UBR1: variants seen among roughly 807,000 people sequenced by gnomAD.
UBR1 encodes E3 ubiquitin-protein ligase UBR1.
Under a neutral mutation model 242.1 loss-of-function variants are expected in UBR1, and 102 were observed. The observed-to-expected ratio is 0.42, with a 90% CI of 0.36 to 0.50. The LOEUF (loss-of-function observed/expected upper bound fraction) is 0.50. UBR1 is among the 20% of genes least tolerant of loss of function. The pLI is 0.01. For missense variants in UBR1, 1,772 were observed against 2,101.8 expected (o/e 0.84, Z 3.07); for synonymous variants, 675 against 684.8 (o/e 0.99, Z 0.22).
At chr15:43,041,593 A>C (rs1016395932) in intron 15 of UBR1, among the ~76,000 whole-genome samples, 1 of 152,184 alleles carries the variant, frequency 6.6e-6, no homozygotes, top group Non-Finnish European at 1.5e-5. Context: ...AAGTATAATT[A>C]AAAAACAAAA....
intron 30 of UBR1, among the ~76,000 whole-genome samples, chr15:43,004,724 C>G (rs539437283): frequency 6.6e-6 from 1 of 152,024 alleles, no homozygotes; most frequent in Non-Finnish European, 1.5e-5. Context: ...GATCTCGGCT[C>G]GCTACAACCC....
chr15:43,002,939 T>C (rs562776360), intron 31 of UBR1, among the ~76,000 whole-genome samples: 170 of 152,352 alleles, frequency 1.1e-3, no homozygotes, highest in African/African-American at 3.1e-3. Context: ...AATAAGTTTA[T>C]TGAATCATAA....
chr15:43,056,382 T>C lies in UBR1; in HGVS notation c.1243A>G (p.Thr415Ala). 6.2e-7 allele frequency: 1 copy of C among 1,612,836 alleles called. No homozygotes were observed. The highest frequency in any genetic ancestry group is 8.5e-7 in the Non-Finnish European group (1 of 1,178,906). ...SDDHDRSISI[T>A]ALSVQMFTVP... ...GTAAACATCTGAACTGAAAGTGCAGTTATAGAGATACTTCTGTCATGATCA... is the reference window on the plus strand; with the variant it reads ...GTAAACATCTGAACTGAAAGTGCAGCTATAGAGATACTTCTGTCATGATCA... The change falls in exon 11 of 47, where the codon ACT (threonine) becomes GCT (alanine). Residue 415 changes from threonine to alanine, a missense_variant. Physicochemically the swap from Thr to Ala is moderately conservative, Grantham distance 58. Transcript: ENST00000290650.
chr15:43,105,886 G>T, intron 1 of UBR1, 56 bp downstream of exon 1: 1 of 1,530,216 alleles, frequency 6.5e-7, no homozygotes, highest in Non-Finnish European at 9.1e-7. Flanking sequence ...ATCCTCCTAA[G>T]CGCAGTAGGG....
chr15:43,043,197 G>GA lies in UBR1; in HGVS notation c.1849+17dup. ...GAAAGCTAATAGGTATATGCAAAAA[G>GA]AAAAAACAAACACTCACCAGCAAGG... On this transcript the variant is annotated intron_variant, in intron 15 of 46. Transcript: ENST00000290650. 1 of 1,613,822 alleles carries GA rather than the reference G, an allele frequency of 6.2e-7. No homozygotes were observed. The highest frequency in any genetic ancestry group is 8.5e-7 in the Non-Finnish European group (1 of 1,179,898).
intron 37 of UBR1, among the ~76,000 whole-genome samples, chr15:42,982,371 G>T (rs772656971): frequency 6.6e-6 from 1 of 152,118 alleles, no homozygotes; most frequent in Non-Finnish European, 1.5e-5. Flanking sequence ...AAAGACAGGC[G>T]CATGTGACAT....
At chr15:42,977,771 G>GATTAA (rs1468668510) in intron 38 of UBR1, 109 bp downstream of exon 38, 3 of 945,132 alleles carry the variant, frequency 3.2e-6, no homozygotes, top group Non-Finnish European at 4.9e-6. Context: ...AAACTTTATA[G>GATTAA]ATTAAACACA....
chr15:43,041,144 G>A (rs1426482194), intron 15 of UBR1, among the ~76,000 whole-genome samples: 6 of 152,146 alleles, frequency 3.9e-5, no homozygotes, highest in South Asian at 2.1e-4. Context: ...ACATGCACAC[G>A]TATGTTTATT....
At chr15:43,035,787 C>T (rs1235503679) in intron 19 of UBR1, among the ~76,000 whole-genome samples, 2 of 151,656 alleles carry the variant, frequency 1.3e-5, no homozygotes, top group Non-Finnish European at 2.9e-5. Context: ...TTTAATCCAT[C>T]TTGAATTGAT....
chr15:43,021,006 T>C, intron 27 of UBR1: 1 of 367,770 alleles, frequency 2.7e-6, no homozygotes, highest in South Asian at 2.6e-5. Flanking sequence ...TTGTCTGCCT[T>C]GTTCCATCTA....
Position 43,065,977 on chromosome 15 carries a change from C to G in UBR1, c.798+1921G>C, listed in dbSNP as rs2033747936. Reference sequence around the variant, plus strand: ...CAGAAGCTGTTTAGTTTAATTAGATCCCATTTACTAATTTTTGCTTTTGTT... The same window carrying G: ...CAGAAGCTGTTTAGTTTAATTAGATGCCATTTACTAATTTTTGCTTTTGTT... On this transcript the variant is annotated intron_variant, in intron 6 of 46. Transcript: ENST00000290650. 4.6e-5 allele frequency among the ~76,000 whole-genome samples: 7 copies of G among 152,084 alleles called. No homozygotes were observed. In the South Asian group the frequency reaches 1.5e-3, roughly 32 times the overall value.
intron 27 of UBR1, chr15:43,020,995 C>T (rs2033103173): frequency 3.0e-6 from 1 of 335,264 alleles, no homozygotes; most frequent in Non-Finnish European, 5.6e-6. Context: ...TAGTAAGCAC[C>T]TTGTCTGCCT....
intron 37 of UBR1, among the ~76,000 whole-genome samples, chr15:42,980,589 T>C (rs769488324): frequency 3.3e-5 from 5 of 151,492 alleles, no homozygotes; most frequent in East Asian, 1.9e-4. Context: ...CCTATCTATC[T>C]ATCCATCCAT....
In UBR1 at chr15:42,976,831, C is replaced by G. The variant is rs759891752; in HGVS notation, c.4255G>C (p.Asp1419His). 1.1e-5 allele frequency: 18 copies of G among 1,613,966 alleles called. No individual in the cohort carries two copies. Among genetic ancestry groups the G allele is most frequent in the Non-Finnish European group, 1.4e-5 (17 of 1,179,950 alleles). ...GAAGGCTGCAGATCAACAGGGTCAT[C>G]CCAATACAAGGATGGGAATGCTAAC... Reference protein sequence around the residue: ...AVLAFPSLYWDDPVDLQPSSV... With the variant: ...AVLAFPSLYWHDPVDLQPSSV... The change falls in exon 39 of 47, where the codon GAT becomes CAT. Residue 1419 changes from aspartate (D) to histidine (H), a missense_variant. Around this residue, in one of 3 missense-constraint regions of UBR1, gnomAD observed 965 missense variants for 1,079.7 expected, o/e 0.89. Transcript: ENST00000290650.
chr15:43,058,426 G>T lies in UBR1; in HGVS notation c.1097C>A (p.Ala366Asp). 1 of 1,609,754 alleles carries T rather than the reference G, an allele frequency of 6.2e-7. No homozygotes were observed. The highest frequency in any genetic ancestry group is 8.5e-7 in the Non-Finnish European group (1 of 1,177,658). ...MLWDAKLYKG[A>D]RKILHELIFS... ...GATCAATTCATGAAGGATCTTACGG[G>T]CACCTATAGATTATTTTGGGGAGGG... is the stretch of plus-strand genomic sequence containing the variant. The change falls in exon 10 of 47, where the codon GCC becomes GAC. Residue 366 changes from alanine (A) to aspartate (D), a missense_variant. Ala to Asp is a moderately radical substitution (Grantham distance 126). Transcript: ENST00000290650.
chr15:42,970,521 C>T lies in UBR1; in HGVS notation c.4456G>A (p.Gly1486Ser). Residue 1486 changes from glycine (G) to serine (S), a missense_variant and splice_region_variant, in exon 40 of 47, where the codon GGC (glycine) becomes AGC (serine). Physicochemically the swap from Gly to Ser is moderately conservative, Grantham distance 56. Around this residue, in one of 3 missense-constraint regions of UBR1, gnomAD observed 965 missense variants for 1,079.7 expected, o/e 0.89. Coordinates refer to ENST00000290650, the MANE Select transcript of UBR1 (RefSeq NM_174916.3). ...FFAEISQYTS[G>S]SIGCDIPGWY... ...CTGAACTAATGGATTGTTACTCACCCACTTGTATATTGAGAAATTTCTGCA... is the reference window on the plus strand; with the variant it reads ...CTGAACTAATGGATTGTTACTCACCTACTTGTATATTGAGAAATTTCTGCA... 6.2e-7 allele frequency: 1 copy of T among 1,613,074 alleles called. No individual in the cohort carries two copies. The highest frequency in any genetic ancestry group is 8.5e-7 in the Non-Finnish European group (1 of 1,179,766).
chr15:43,059,742 C>T lies in UBR1; in HGVS notation c.945G>A (p.Leu315=), dbSNP rs761882298. Residue 315 remains leucine (L), a synonymous_variant, in exon 8 of 47, where the codon TTG becomes TTA. Transcript: ENST00000290650. ...SEIMAHQKFA[L]RLGSWMNKIM... ...TTTTGTTCATCCAGGAACCAAGACG[C>T]AAAGCAAATTTCTGATGAGCCATAA... 14 of 1,614,022 alleles carry T rather than the reference C, an allele frequency of 8.7e-6. No individual in the cohort carries two copies. In the South Asian group the frequency reaches 1.4e-4, roughly 16 times the overall value.
chr15:42,951,627 T>G (rs2031835433), intron 45 of UBR1, among the ~76,000 whole-genome samples: 2 of 152,120 alleles, frequency 1.3e-5, no homozygotes, highest in African/African-American at 2.4e-5. Context: ...AAGTAAAAAT[T>G]TACATGTACT....
rs777518378 is a variant in UBR1 at position 43,003,927 on chromosome 15, G to C, written c.3419C>G (p.Ala1140Gly). Residue 1140 changes from alanine to glycine, a missense_variant, in exon 31 of 47, where the codon GCC (alanine) becomes GGC (glycine). By Grantham distance (60) the Ala-to-Gly change is moderately conservative. Transcript: ENST00000290650. ...RGKPIELSGE[A>G]LDPLFMDPDL... Reference sequence around the variant, plus strand: ...TGGATCCATGAAAAGTGGGTCTAGGGCTTCTGGTACAAGGTATAAAAAGGA... The same window carrying C: ...TGGATCCATGAAAAGTGGGTCTAGGCCTTCTGGTACAAGGTATAAAAAGGA... 2 of 1,613,844 alleles carry C rather than the reference G, an allele frequency of 1.2e-6. No homozygotes were observed. Among genetic ancestry groups the C allele is most frequent in the African/African-American group, 2.7e-5 (2 of 74,902 alleles).
Sources: allele counts gnomAD v4.1 joint callset (sites outside exome capture counted in the v4.1 genomes callset), GRCh38; gene constraint gnomAD v4.1.1; regional missense constraint gnomAD v4.1.1; transcripts MANE v1.5; gene names NCBI Gene and HGNC (gene_info 2026-07-23, HGNC 2026-07-21).